The following EPSTI1 variants were observed in gnomAD, a reference collection of about 807,000 sequenced individuals.
The protein encoded by EPSTI1 is epithelial-stromal interaction protein 1.
Under a neutral mutation model 49.9 loss-of-function variants are expected in EPSTI1, and 66 were observed. The observed-to-expected ratio is 1.32, with a 90% CI of 1.08 to 1.62. The LOEUF is 1.62. Among genes scored for constraint, EPSTI1 ranks in the 40% most tolerant of loss-of-function variants. The pLI, the probability that EPSTI1 is intolerant of heterozygous loss-of-function variation, is 0.00. For synonymous variants in EPSTI1, 137 were observed against 130.7 expected, an observed-to-expected ratio of 1.05 and a Z score of -0.33; for missense variants, 394 against 365.5, an observed-to-expected ratio of 1.08 and a Z score of -0.64.
rs754975066 is a variant in EPSTI1, at chr13:42,895,012, G to T, written c.912C>A (p.Ser304Arg). The part of the protein sequence containing the change: ...GGCWNMNSGN[S>R]WGI ...TAAGAGAAAAGAAAAAACTCACCCA[G>T]CTGTTACCGCTATTCATATTCCAAC... The change falls in exon 10 of 11, where the codon AGC becomes AGA. Residue 304 changes from serine to arginine, a missense_variant. By Grantham distance (110) the Ser-to-Arg change is moderately radical (BLOSUM62 -1). Coordinates refer to ENST00000313624, the MANE Select transcript of EPSTI1 (RefSeq NM_033255.5). 1 of 1,608,220 alleles carries T rather than the reference G, an allele frequency of 6.2e-7. No individual in the cohort carries two copies. Among genetic ancestry groups the T allele is most frequent in the Non-Finnish European group, 8.5e-7 (1 of 1,177,544 alleles).
At chr13:42,938,942 T>C (rs1037572825) in intron 6 of EPSTI1, among the ~76,000 whole-genome samples, 2 of 103,824 alleles carry the variant, frequency 1.9e-5, no homozygotes, top group African/African-American at 6.6e-5. Context: ...ATCTGTTGTT[T>C]AGTATACACA....
Position 42,917,532 on chromosome 13 carries a change from T to C in EPSTI1, c.741+9A>G. 1 of 1,610,220 alleles carries C rather than the reference T, an allele frequency of 6.2e-7. No homozygotes were observed. Among genetic ancestry groups the C allele is most frequent in the African/African-American group, 1.3e-5 (1 of 74,814 alleles). Reference sequence around the variant, plus strand: ...CAGTTAGCAATAACTAGTAGGGGCTTGTAAGTACCTTTTGATGTTGTTCAT... The same window carrying C: ...CAGTTAGCAATAACTAGTAGGGGCTCGTAAGTACCTTTTGATGTTGTTCAT... On this transcript the variant is annotated intron_variant, in intron 8 of 10. Transcript: ENST00000313624.
At position 42,886,964 on chromosome 13, in the gene EPSTI1, C is replaced by CAA; in HGVS notation, c.*1528_*1529dup. 1 of 143,706 alleles carries CAA rather than the reference C, an allele frequency of 7.0e-6. No individual in the cohort carries two copies. Among genetic ancestry groups the CAA allele is most frequent in the Non-Finnish European group, 1.5e-5 (1 of 66,188 alleles). The allele number at this position is 143,706 out of a possible 1,614,324, so 8.9% of individuals were successfully genotyped here. A position where few individuals can be genotyped will look rare whatever the true frequency, so the allele number is the denominator to read the frequency against. ...GGAAAATGCAGCAAGTGAGGCACAC[C>CAA]AAGCATAGACGCAAAAATCGGAACA... On this transcript the variant is annotated 3_prime_UTR_variant, in exon 11 of 11. Coordinates refer to ENST00000313624, the MANE Select transcript of EPSTI1 (RefSeq NM_033255.5).
At chr13:42,899,297 A>G (rs2037287161) in intron 9 of EPSTI1, among the ~76,000 whole-genome samples, 1 of 152,084 alleles carries the variant, frequency 6.6e-6, no homozygotes, top group Non-Finnish European at 1.5e-5. Flanking sequence ...ATGCTTCCCC[A>G]CCACCATCTT....
chr13:42,950,354 G>A (rs1270718449), intron 6 of EPSTI1, among the ~76,000 whole-genome samples: 1 of 152,200 alleles, frequency 6.6e-6, no homozygotes, highest in African/African-American at 2.4e-5. Flanking sequence ...TGTATTTTCA[G>A]CCAGCTTGCA....
chr13:42,915,282 A>G (rs567847276), intron 8 of EPSTI1, among the ~76,000 whole-genome samples: 35 of 152,368 alleles, frequency 2.3e-4, no homozygotes, highest in African/African-American at 8.2e-4. Context: ...CTGTAATCCC[A>G]GCACTTTGGG....
chr13:42,975,034 T>G (rs1253458661), intron 1 of EPSTI1, among the ~76,000 whole-genome samples: 1 of 152,190 alleles, frequency 6.6e-6, no homozygotes, highest in Non-Finnish European at 1.5e-5. Flanking sequence ...AAGAAAATCT[T>G]ATCCTTGGGT....
intron 6 of EPSTI1, chr13:42,933,805 A>C (rs1237623599): frequency 6.6e-6 from 1 of 152,372 alleles, no homozygotes; most frequent in East Asian, 1.9e-4. Flanking sequence ...TGGGAGGAGG[A>C]ACACCAGAGC....
chr13:42,911,653 G>A (rs1020758139), intron 8 of EPSTI1, among the ~76,000 whole-genome samples: 5 of 151,928 alleles, frequency 3.3e-5, no homozygotes, highest in Admixed American at 3.3e-4. Context: ...CAAATCTATG[G>A]TTCTAGTCCC....
At chr13:42,924,517 C>T (rs756175491) in intron 7 of EPSTI1, among the ~76,000 whole-genome samples, 13 of 152,284 alleles carry the variant, frequency 8.5e-5, no homozygotes, top group African/African-American at 1.4e-4. Context: ...AGCCCTCGAA[C>T]GGAAAGGAAG....
chr13:42,970,471 A>G (rs2039737959), intron 2 of EPSTI1, 141 bp downstream of exon 2: 3 of 614,226 alleles, frequency 4.9e-6, no homozygotes, highest in Non-Finnish European at 8.0e-6. Context: ...TAAAGGTATA[A>G]TCAAAACTAA....
chr13:42,969,025 G>T, intron 3 of EPSTI1, 69 bp downstream of exon 3: 1 of 1,464,874 alleles, frequency 6.8e-7, no homozygotes, highest in African/African-American at 1.4e-5. Flanking sequence ...ACAGACATAT[G>T]CAAGCTGCTT....
At chr13:42,974,272 G>A (rs2039830050) in intron 1 of EPSTI1, among the ~76,000 whole-genome samples, 1 of 151,946 alleles carries the variant, frequency 6.6e-6, no homozygotes, top group African/African-American at 2.4e-5. Context: ...GGGGGCAGAG[G>A]TTGCAGTGAG....
At position 42,888,343 on chromosome 13, in the gene EPSTI1, A is replaced by G. The variant is rs1003927278; in HGVS notation, c.*151T>C. The stretch of plus-strand genomic sequence containing the variant: ...AACATGCATAAATGAGGACAAGGAG[A>G]AGCCAGTCACTCCTGACTGCACGGT... On this transcript the variant is annotated 3_prime_UTR_variant, in exon 11 of 11. Transcript: ENST00000313624. 1 of 1,614,096 alleles carries G rather than the reference A, an allele frequency of 6.2e-7. No homozygotes were observed. Among genetic ancestry groups the G allele is most frequent in the African/African-American group, 1.3e-5 (1 of 74,948 alleles).
At chr13:42,988,335 C>T (rs2153437015) in intron 1 of EPSTI1, among the ~76,000 whole-genome samples, 1 of 152,282 alleles carries the variant, frequency 6.6e-6, no homozygotes, top group African/African-American at 2.4e-5. Context: ...GTGTAGACAG[C>T]TTTGATATTT....
rs1332345782 is a variant in EPSTI1 at position 42,922,673 on chromosome 13, T to C, written c.657+3663A>G. 6.6e-6 allele frequency among the ~76,000 whole-genome samples: 1 copy of C among 152,196 alleles called. No individual in the cohort carries two copies. Among genetic ancestry groups the C allele is most frequent in the Non-Finnish European group, 1.5e-5 (1 of 68,034 alleles). On this transcript the variant is annotated intron_variant, in intron 7 of 10. Transcript: ENST00000313624. This position sits in a 1 kb window ranked among gnomAD's most constrained non-coding sequence, Gnocchi z 4.8. ...AAAGGGAAGTGTTCAAATGTTGCGG[T>C]GGAAGTGGGATTCAAGCGGCGCAAA...
intron 1 of EPSTI1, among the ~76,000 whole-genome samples, chr13:42,977,457 A>AGAGAGATTTCTAGG (rs1354006893): frequency 6.6e-6 from 1 of 152,256 alleles, no homozygotes; most frequent in African/African-American, 2.4e-5. Context: ...GAAGTCACGG[A>AGAGAGATTTCTAGG]GAGAGATTTC....
chr13:42,898,615 C>T (rs2037264330), intron 9 of EPSTI1, among the ~76,000 whole-genome samples: 1 of 144,370 alleles, frequency 6.9e-6, no homozygotes, highest in Non-Finnish European at 1.5e-5. Context: ...AACAGCCCCA[C>T]CAATATTTAG....
chr13:42,900,952 C>T (rs544120073), intron 8 of EPSTI1, among the ~76,000 whole-genome samples: 1 of 152,204 alleles, frequency 6.6e-6, no homozygotes, highest in South Asian at 2.1e-4. Flanking sequence ...TCATATAAAT[C>T]ACATTATTAT....
Sources: gnomAD v4.1 joint callset for allele counts (sites outside exome capture counted in the v4.1 genomes callset) on GRCh38, gnomAD v4.1.1 for gene constraint, Gnocchi (gnomAD v3.1) non-coding constraint, MANE v1.5 for transcripts, NCBI Gene and HGNC (gene_info 2026-07-23, HGNC 2026-07-21) for gene names.